CYRIB: variants seen among roughly 807,000 people sequenced by gnomAD.
The protein encoded by CYRIB is CYFIP related Rac1 interactor B.
In CYRIB, 8 loss-of-function variants were observed where a neutral mutation model predicts 44.2. That is an observed-to-expected ratio of 0.18 (90% CI 0.11 to 0.33). The LOEUF (loss-of-function observed/expected upper bound fraction) is 0.33. Among genes scored for constraint, CYRIB ranks in the 10% least tolerant of loss-of-function variants. CYRIB has a pLI of 1.00. For missense variants in CYRIB, 185 were observed against 382.8 expected (o/e 0.48, Z 4.31); for synonymous variants, 131 against 127.2 (o/e 1.03, Z -0.20).
At chr8:129,944,247 A>T (rs1210195064), upstream of CYRIB, among the ~76,000 whole-genome samples, 1 of 152,172 alleles carries the variant, frequency 6.6e-6, no homozygotes, top group Non-Finnish European at 1.5e-5. Flanking sequence ...TGTGGGGTCC[A>T]GGAGAGGGAT....
intron 2 of CYRIB, among the ~76,000 whole-genome samples, chr8:129,882,802 G>T (rs754642295): frequency 1.3e-5 from 2 of 152,006 alleles, no homozygotes; most frequent in Non-Finnish European, 2.9e-5. Flanking sequence ...CTCATACTTG[G>T]GAGTATGACC....
At chr8:129,912,022 G>A (rs955524571) in intron 1 of CYRIB, among the ~76,000 whole-genome samples, 6 of 152,082 alleles carry the variant, frequency 3.9e-5, no homozygotes, top group South Asian at 2.1e-4. Context: ...ACCTTATTTT[G>A]CAGCTCTATA....
Position 129,844,631 on chromosome 8 carries a change from C to T in CYRIB, c.911+2173G>A, listed in dbSNP as rs557145978. On this transcript the variant is annotated intron_variant, in intron 11 of 11. Coordinates refer to ENST00000519824, the Ensembl canonical transcript of CYRIB. ...TGTAAAATGGACATATGACTTGATGCCTTCTCTTAGTAGCACAGGAAGTTC... is the reference window on the plus strand; with the variant it reads ...TGTAAAATGGACATATGACTTGATGTCTTCTCTTAGTAGCACAGGAAGTTC... The T allele has an allele frequency of 5.3e-5, 8 of 152,226 alleles. No homozygotes were observed. The East Asian group carries it at 1.2e-3, about 22-fold the overall frequency. The allele number at this position is 152,226 out of a possible 1,614,324, so 9.4% of individuals were successfully genotyped here.
At chr8:130,011,325 G>A (rs527861150) in intron 1 of CYRIB, among the ~76,000 whole-genome samples, 40 of 150,718 alleles carry the variant, frequency 2.7e-4, no homozygotes, top group Middle Eastern at 3.4e-3. Context: ...GTTCGAGACC[G>A]GCCTGGCCAA....
intron 1 of CYRIB, among the ~76,000 whole-genome samples, chr8:129,974,367 GA>G (rs1044987140): frequency 6.6e-6 from 1 of 152,052 alleles, no homozygotes; most frequent in Non-Finnish European, 1.5e-5. Flanking sequence ...CTTATTTTAA[GA>G]AGAAAACCCT....
chr8:129,962,126 G>A (rs1001041767), intron 2 of CYRIB, among the ~76,000 whole-genome samples: 7 of 151,786 alleles, frequency 4.6e-5, no homozygotes, highest in African/African-American at 1.7e-4. Context: ...GCTTGCCTGT[G>A]GTCCCAGCTA....
intron 1 of CYRIB, among the ~76,000 whole-genome samples, chr8:129,932,743 G>A (rs1350336430): frequency 6.6e-6 from 1 of 152,106 alleles, no homozygotes; most frequent in Non-Finnish European, 1.5e-5. Flanking sequence ...ATGGGATGCT[G>A]ACATAGCCAT....
At chr8:129,939,975 G>A (rs901997048), upstream of CYRIB, 7 of 152,404 alleles carry the variant, frequency 4.6e-5, no homozygotes, top group African/African-American at 9.7e-5. Context: ...GAAGGGGCGG[G>A]GCGAAGCCAG....
intron 3 of CYRIB, among the ~76,000 whole-genome samples, chr8:129,872,540 T>G (rs1363229490): frequency 6.6e-6 from 1 of 152,064 alleles, no homozygotes; most frequent in Non-Finnish European, 1.5e-5. Context: ...TAAGAGGAAA[T>G]GAAGGTTTCT....
At chr8:129,962,564 C>T (rs2095309240) in intron 2 of CYRIB, among the ~76,000 whole-genome samples, 1 of 152,042 alleles carries the variant, frequency 6.6e-6, no homozygotes, top group Non-Finnish European at 1.5e-5. Context: ...CCTATGAATG[C>T]CCTTTACGTT....
chr8:129,947,653 A>G (rs899482453), intron 2 of CYRIB, among the ~76,000 whole-genome samples: 1 of 152,218 alleles, frequency 6.6e-6, no homozygotes, highest in African/African-American at 2.4e-5. Flanking sequence ...AAAATTTGAA[A>G]ATACATATGA....
At chr8:129,947,117 G>A (rs1364409088) in intron 2 of CYRIB, among the ~76,000 whole-genome samples, 1 of 151,952 alleles carries the variant, frequency 6.6e-6, no homozygotes, top group Non-Finnish European at 1.5e-5. Flanking sequence ...GAGTGCAGTG[G>A]TGCGATCTCG....
chr8:129,906,298 C>T (rs547967109), intron 1 of CYRIB, among the ~76,000 whole-genome samples: 1 of 152,186 alleles, frequency 6.6e-6, no homozygotes, highest in Non-Finnish European at 1.5e-5. Context: ...AATAATAGCA[C>T]ACATCTACAA....
chr8:130,004,394 C>T (rs2096984655), intron 1 of CYRIB: 1 of 152,164 alleles, frequency 6.6e-6, no homozygotes, highest in Non-Finnish European at 1.5e-5. Context: ...CGTGTGCCAC[C>T]CAGCCATACC....
chr8:130,005,056 C>T (rs767821610), intron 1 of CYRIB, among the ~76,000 whole-genome samples: 35 of 152,218 alleles, frequency 2.3e-4, no homozygotes, highest in Non-Finnish European at 4.4e-4. Context: ...CATGAGCCAC[C>T]GTGGCTGGCC....
At chr8:130,004,228 T>C (rs1362236595) in intron 1 of CYRIB, among the ~76,000 whole-genome samples, 1 of 152,222 alleles carries the variant, frequency 6.6e-6, no homozygotes, top group Non-Finnish European at 1.5e-5. Context: ...ATGCCCTCAG[T>C]GCATCAAACA....
chr8:129,855,294 G>A (rs186170318), intron 6 of CYRIB, among the ~76,000 whole-genome samples: 420 of 151,972 alleles, frequency 2.8e-3, no homozygotes, highest in Non-Finnish European at 4.7e-3. Context: ...GGGAGGTTGA[G>A]GTGGGAGAAT....
At chr8:129,910,956 C>A (rs2077695259) in intron 1 of CYRIB, among the ~76,000 whole-genome samples, 1 of 152,216 alleles carries the variant, frequency 6.6e-6, no homozygotes, top group Non-Finnish European at 1.5e-5. Context: ...CCTTGCCCGG[C>A]CTCTCTCCCA....
chr8:129,855,736 T>C lies in CYRIB; in HGVS notation c.313A>G (p.Arg105Gly), dbSNP rs556972913. 41 of 1,602,770 alleles carry C rather than the reference T, an allele frequency of 2.6e-5. 1 individual carries two copies. In the South Asian group the frequency reaches 4.4e-4, roughly 17 times the overall value. The change falls in exon 6 of 12, where the codon AGA becomes GGA. Residue 105 changes from arginine to glycine, a missense_variant. Transcript: ENST00000519824. ...CTTGTTAAGGCTCCCAGAAGACCTCTTAATGCTGCTTCTAAAGAAAAAAAT... is the reference window on the plus strand; with the variant it reads ...CTTGTTAAGGCTCCCAGAAGACCTCCTAATGCTGCTTCTAAAGAAAAAAAT...
Sources: allele counts gnomAD v4.1 joint callset (sites outside exome capture counted in the v4.1 genomes callset), GRCh38; gene constraint gnomAD v4.1.1; transcripts MANE v1.5; gene names NCBI Gene and HGNC (gene_info 2026-07-23, HGNC 2026-07-21).